NEGR1: variants seen among roughly 807,000 people sequenced by gnomAD.
The protein encoded by NEGR1 is IgLON family member 4.
Under a neutral mutation model 40.9 loss-of-function variants are expected in NEGR1, and 10 were observed. The ratio of observed to expected loss-of-function variants is 0.24; its 90% confidence interval spans 0.15 to 0.42. NEGR1 has a LOEUF of 0.42. Among genes scored for constraint, NEGR1 ranks in the 10% least tolerant of loss-of-function variants. The probability of loss-of-function intolerance (pLI) is 1.00; values close to 1 mark genes in which losing one functional copy is unlikely to be tolerated. For missense variants in NEGR1, 352 were observed against 438.9 expected (o/e 0.80, Z 1.77); for synonymous variants, 185 against 166.8 (o/e 1.11, Z -0.84).
chr1:72,258,270 A>G (rs1395814799), intron 1 of NEGR1, among the ~76,000 whole-genome samples: 1 of 152,196 alleles, frequency 6.6e-6, no homozygotes, highest in Non-Finnish European at 1.5e-5. Context: ...ACTGCTAAAC[A>G]TCATCAACAC....
intron 3 of NEGR1, among the ~76,000 whole-genome samples, chr1:71,769,137 A>G (rs1391208312): frequency 2.7e-5 from 4 of 149,598 alleles, no homozygotes; most frequent in Non-Finnish European, 4.5e-5. Context: ...GGACTAATAC[A>G]CTCATCTATA....
intron 5 of NEGR1, among the ~76,000 whole-genome samples, chr1:71,596,735 T>A (rs1426740988): frequency 6.6e-6 from 1 of 152,204 alleles, no homozygotes; most frequent in Non-Finnish European, 1.5e-5. Context: ...TATCTGTCTT[T>A]CCAGGTCAGG....
chr1:71,838,054 T>C (rs747659179), intron 2 of NEGR1, among the ~76,000 whole-genome samples: 3 of 152,100 alleles, frequency 2.0e-5, no homozygotes, highest in Non-Finnish European at 4.4e-5. Context: ...TTGAGGTACA[T>C]TGAAAAAAAT....
chr1:72,177,656 A>C (rs556261094), intron 1 of NEGR1, among the ~76,000 whole-genome samples: 29 of 152,180 alleles, frequency 1.9e-4, no homozygotes, highest in East Asian at 1.2e-3. Flanking sequence ...TAGAAAAACA[A>C]CACCACCATT....
At chr1:71,760,439 A>C (rs1166076801) in intron 3 of NEGR1, among the ~76,000 whole-genome samples, 1 of 152,230 alleles carries the variant, frequency 6.6e-6, no homozygotes, top group Non-Finnish European at 1.5e-5. Flanking sequence ...TAAAATTATA[A>C]AGAAAACTCT....
chr1:71,406,828 T>C lies in NEGR1; in HGVS notation c.*618A>G, dbSNP rs1023385762. On this transcript the variant is annotated 3_prime_UTR_variant, in exon 7 of 7. Transcript: ENST00000357731. ...AGACAAAGAGAAAAATATTATTGTA[T>C]GAAGGCACACCCATGCTGAACTTAC... is the stretch of plus-strand genomic sequence containing the variant. 1.3e-5 allele frequency: 2 copies of C among 152,570 alleles called. No individual in the cohort carries two copies. Among genetic ancestry groups the C allele is most frequent in the Admixed American group, 1.3e-4 (2 of 15,256 alleles). The allele number at this position is 152,570 out of a possible 1,614,324, so 9.5% of individuals were successfully genotyped here.
intron 1 of NEGR1, among the ~76,000 whole-genome samples, chr1:72,093,026 A>C (rs12047359): frequency 6.6e-6 from 1 of 152,230 alleles, no homozygotes; most frequent in South Asian, 2.1e-4. Flanking sequence ...CTACTACAAA[A>C]GTTCCTTAAA....
chr1:71,441,290 G>A (rs1331973041), intron 6 of NEGR1, among the ~76,000 whole-genome samples: 1 of 152,200 alleles, frequency 6.6e-6, no homozygotes, highest in African/African-American at 2.4e-5. Context: ...GTGGTAGGTT[G>A]TTATCGGCCC....
At chr1:72,067,132 T>A (rs2100503702) in intron 1 of NEGR1, among the ~76,000 whole-genome samples, 1 of 152,258 alleles carries the variant, frequency 6.6e-6, no homozygotes, top group African/African-American at 2.4e-5. Flanking sequence ...AAATAGCAAG[T>A]ACTATAAACA....
chr1:72,204,320 C>T (rs1474420704), intron 1 of NEGR1, among the ~76,000 whole-genome samples: 2 of 152,094 alleles, frequency 1.3e-5, no homozygotes, highest in African/African-American at 4.8e-5. Flanking sequence ...TTTCCTCCTT[C>T]CTCACCATTT....
rs535505415 is a variant in NEGR1, at chr1:71,677,337, A to T, written c.667+20671T>A. Among the ~76,000 whole-genome samples, 3 of 152,248 alleles carry T rather than the reference A, an allele frequency of 2.0e-5. No homozygotes were observed. The South Asian group carries it at 6.2e-4, about 32-fold the overall frequency. On this transcript the variant is annotated intron_variant, in intron 4 of 6. Transcript: ENST00000357731. ...TATCTTTACTGCATGCTTCTTAATG[A>T]TTAACAATCAATTACAATATCATCC...
chr1:71,675,110 TTC>T (rs1652574303), intron 4 of NEGR1, among the ~76,000 whole-genome samples: 2 of 59,690 alleles, frequency 3.4e-5, no homozygotes, highest in African/African-American at 7.2e-5. Context: ...TGCATGTTTA[TTC>T]ATATATATAT....
At chr1:71,573,608 T>C (rs1309306672) in intron 6 of NEGR1, 1 of 152,234 alleles carries the variant, frequency 6.6e-6, no homozygotes, top group African/African-American at 2.4e-5. Context: ...AAGAACAGAA[T>C]GAGCTGATCA....
rs755099843 is a variant in NEGR1, at chr1:72,090,391, A to T, written c.177-155080T>A. Among the ~76,000 whole-genome samples the T allele has an allele frequency of 1.7e-4, 25 of 150,328 alleles. 1 individual carries two copies. The highest frequency in any genetic ancestry group is 4.2e-4 in the South Asian group (2 of 4,784). On this transcript the variant is annotated intron_variant, in intron 1 of 6. Transcript: ENST00000357731. ...AAAAAAAAAAAAAAAAAGAGCTCCC[A>T]CTATAGAAATAAAGACTAAAGTAGC...
chr1:72,154,808 A>G (rs891330548), intron 1 of NEGR1, among the ~76,000 whole-genome samples: 1 of 152,058 alleles, frequency 6.6e-6, no homozygotes. Flanking sequence ...CACTGAGTAC[A>G]TCAATACATT....
chr1:71,656,406 T>C (rs1651875420), intron 4 of NEGR1, among the ~76,000 whole-genome samples: 3 of 150,082 alleles, frequency 2.0e-5, no homozygotes, highest in African/African-American at 2.5e-5. Context: ...TTTGTTTTTG[T>C]TTTTTGTTGT....
At chr1:72,054,530 T>C (rs1647093282) in intron 1 of NEGR1, among the ~76,000 whole-genome samples, 1 of 151,302 alleles carries the variant, frequency 6.6e-6, no homozygotes, top group African/African-American at 2.4e-5. Context: ...ACACATTCAA[T>C]TTATATCTAC....
At chr1:72,157,384 G>T (rs1651399770) in intron 1 of NEGR1, among the ~76,000 whole-genome samples, 1 of 152,150 alleles carries the variant, frequency 6.6e-6, no homozygotes, top group Non-Finnish European at 1.5e-5. Context: ...TATGATAAAA[G>T]ATACATTTAG....
intron 1 of NEGR1, among the ~76,000 whole-genome samples, chr1:72,197,225 C>T (rs1413454363): frequency 6.6e-6 from 1 of 151,908 alleles, no homozygotes; most frequent in Admixed American, 6.6e-5. Flanking sequence ...TTAATCACTA[C>T]AGTGACCAAC....
Sources: allele counts gnomAD v4.1 joint callset (sites outside exome capture counted in the v4.1 genomes callset), GRCh38; gene constraint gnomAD v4.1.1; transcripts MANE v1.5; gene names NCBI Gene and HGNC (gene_info 2026-07-23, HGNC 2026-07-21).